Variants in DPP10 observed in about 807,000 individuals in gnomAD.
DPP10 encodes the protein dipeptidyl peptidase like 10.
DPP10 carries 33 observed loss-of-function variants against 120.9 expected under a neutral mutation model. The ratio of observed to expected loss-of-function variants is 0.27; its 90% CI spans 0.21 to 0.37. DPP10 has a LOEUF of 0.37. Ranked by LOEUF, DPP10 falls within the 10% of genes least tolerant of loss-of-function variation. The pLI, the probability that DPP10 is intolerant of heterozygous loss-of-function variation, is 1.00. For missense variants in DPP10, 816 were observed against 942.8 expected, an observed-to-expected ratio of 0.87 and a Z score of 1.76; for synonymous variants, 337 against 326.1, an observed-to-expected ratio of 1.03 and a Z score of -0.36.
intron 1 of DPP10, among the ~76,000 whole-genome samples, chr2:114,711,681 C>T (rs562726861): frequency 2.6e-5 from 4 of 151,870 alleles, no homozygotes; most frequent in Non-Finnish European, 4.4e-5. Flanking sequence ...AGACTGTCCA[C>T]GTTTTAATTA....
intron 1 of DPP10, among the ~76,000 whole-genome samples, chr2:115,275,701 C>CTTTTTTTTTTTT (rs72078308): frequency 1.7e-4 from 23 of 131,838 alleles, no homozygotes; most frequent in Non-Finnish European, 2.3e-4. Flanking sequence ...CTTTTCTTTT[C>CTTTTTTTTTTTT]TTTTTTTTTT....
chr2:114,489,995 A>AT (rs1681847056), intron 1 of DPP10, among the ~76,000 whole-genome samples: 1 of 152,168 alleles, frequency 6.6e-6, no homozygotes, highest in African/African-American at 2.4e-5. Context: ...AATAGGTGTT[A>AT]TTTTTATTAT....
chr2:115,069,755 G>A (rs897095183), intron 1 of DPP10, among the ~76,000 whole-genome samples: 1 of 151,290 alleles, frequency 6.6e-6, no homozygotes, highest in Non-Finnish European at 1.5e-5. Context: ...ATTTAGGCAT[G>A]TTACTTAACC....
intron 19 of DPP10, among the ~76,000 whole-genome samples, chr2:115,806,821 C>T (rs1686029006): frequency 6.6e-6 from 1 of 152,010 alleles, no homozygotes; most frequent in African/African-American, 2.4e-5. Context: ...ACACTTTGTT[C>T]TATTTTTTAT....
intron 1 of DPP10, among the ~76,000 whole-genome samples, chr2:114,452,324 A>G (rs1324570544): frequency 1.3e-5 from 2 of 152,156 alleles, no homozygotes; most frequent in African/African-American, 4.8e-5. Flanking sequence ...TTTAATAAAG[A>G]TACCTTGTGT....
At chr2:114,936,266 C>T (rs1011947385) in intron 1 of DPP10, among the ~76,000 whole-genome samples, 5 of 152,038 alleles carry the variant, frequency 3.3e-5, no homozygotes, top group Admixed American at 6.6e-5. Flanking sequence ...TGAGTTGCTT[C>T]GCTTAGAATA....
chr2:114,999,481 A>G (rs1315535605), intron 1 of DPP10, among the ~76,000 whole-genome samples: 1 of 152,164 alleles, frequency 6.6e-6, no homozygotes, highest in Non-Finnish European at 1.5e-5. Flanking sequence ...TGTTGTATAA[A>G]ATCAAGTTCT....
intron 1 of DPP10, among the ~76,000 whole-genome samples, chr2:114,761,526 A>T (rs1012372876): frequency 2.0e-5 from 3 of 152,094 alleles, no homozygotes; most frequent in Non-Finnish European, 4.4e-5. Context: ...GCTGTGTTGT[A>T]ATAAGATTGG....
chr2:115,272,363 T>C (rs1475891726), intron 1 of DPP10, among the ~76,000 whole-genome samples: 5 of 152,214 alleles, frequency 3.3e-5, no homozygotes, highest in Non-Finnish European at 7.3e-5. Context: ...TTGTACAGCT[T>C]GTAGAAATTT....
chr2:114,865,783 C>T (rs1690177199), intron 1 of DPP10, among the ~76,000 whole-genome samples: 1 of 152,116 alleles, frequency 6.6e-6, no homozygotes, highest in Non-Finnish European at 1.5e-5. Context: ...ATCTTGATGT[C>T]TGCCCAATTT....
At chr2:114,914,231 T>C (rs1466848021) in intron 1 of DPP10, among the ~76,000 whole-genome samples, 1 of 152,130 alleles carries the variant, frequency 6.6e-6, no homozygotes, top group African/African-American at 2.4e-5. Flanking sequence ...TGCTATACAA[T>C]ATGACCATCC....
At chr2:114,732,406 G>C (rs896207407) in intron 1 of DPP10, among the ~76,000 whole-genome samples, 1 of 152,182 alleles carries the variant, frequency 6.6e-6, no homozygotes, top group Non-Finnish European at 1.5e-5. Context: ...CCAAACATTA[G>C]CAGAAAACAA....
At chr2:115,814,150 A>G (rs1471260603) in intron 19 of DPP10, among the ~76,000 whole-genome samples, 1 of 152,112 alleles carries the variant, frequency 6.6e-6, no homozygotes, top group Non-Finnish European at 1.5e-5. Context: ...CTAGCTTTCA[A>G]GTTTTTCAAA....
intron 1 of DPP10, among the ~76,000 whole-genome samples, chr2:115,175,082 G>A (rs1299693896): frequency 1.3e-5 from 2 of 152,176 alleles, no homozygotes; most frequent in African/African-American, 2.4e-5. Context: ...TCCTGGAGAT[G>A]GCTACTTTTA....
At chr2:114,536,926 A>C (rs1187568982) in intron 1 of DPP10, among the ~76,000 whole-genome samples, 1 of 152,168 alleles carries the variant, frequency 6.6e-6, no homozygotes, top group Non-Finnish European at 1.5e-5. Context: ...AGTTCACCCA[A>C]GTTTTAGCTA....
chr2:115,250,622 GA>G (rs955772190), intron 1 of DPP10, among the ~76,000 whole-genome samples: 3 of 151,866 alleles, frequency 2.0e-5, no homozygotes, highest in Middle Eastern at 3.4e-3. Flanking sequence ...TAGTTTTCCA[GA>G]AAAAAAATAA....
rs754760125 is a variant in DPP10 at position 115,161,949 on chromosome 2, C to T, written c.61-147290C>T. ...CGAGGAAGCGAGCGCCAGCGCGGGC[C>T]GCCGGCGATGACGGCCGCGAAGCAG... is the stretch of plus-strand genomic sequence containing the variant. On this transcript the variant is annotated intron_variant, in intron 1 of 25. Coordinates refer to ENST00000410059, the MANE Select transcript of DPP10 (RefSeq NM_020868.6). The T allele has an allele frequency of 5.6e-5, 80 of 1,438,446 alleles. 3 individuals carry two copies. The South Asian group carries it at 6.6e-4, about 12-fold the overall frequency. The allele number at this position is 1,438,446 out of a possible 1,614,324, so 89.1% of individuals were successfully genotyped here. A position where few individuals can be genotyped will look rare whatever the true frequency, so the allele number is the denominator to read the frequency against.
intron 13 of DPP10, among the ~76,000 whole-genome samples, chr2:115,773,524 T>A (rs1439385027): frequency 2.0e-5 from 3 of 152,126 alleles, no homozygotes; most frequent in Admixed American, 2.0e-4. Context: ...TTAGTTCAAT[T>A]TAAAATACAT....
intron 19 of DPP10, among the ~76,000 whole-genome samples, chr2:115,804,049 C>T (rs1314564291): frequency 2.0e-5 from 3 of 152,104 alleles, no homozygotes; most frequent in Non-Finnish European, 4.4e-5. Flanking sequence ...TCCATTCTCC[C>T]CGTCACTTTC....
Sources: gnomAD v4.1 joint callset for allele counts (sites outside exome capture counted in the v4.1 genomes callset) on GRCh38, gnomAD v4.1.1 for gene constraint, MANE v1.5 for transcripts, NCBI Gene and HGNC (gene_info 2026-07-23, HGNC 2026-07-21) for gene names.